The following SOX6 variants were observed in gnomAD, a reference collection of about 807,000 sequenced individuals.
The protein encoded by SOX6 is transcription factor SOX-6.
A neutral mutation model predicts 97.8 loss-of-function variants in SOX6; 11 were observed. That is an observed-to-expected ratio of 0.11 (90% CI 0.07 to 0.19). The LOEUF (loss-of-function observed/expected upper bound fraction) is 0.19, where lower values mean the gene tolerates loss of function less well. SOX6 is among the 10% of genes least tolerant of loss of function. SOX6 has a pLI of 1.00. For synonymous variants in SOX6, 360 were observed against 371.4 expected (o/e 0.97, Z 0.35); for missense variants, 810 against 1,039.5 (o/e 0.78, Z 3.04).
intron 10 of SOX6, among the ~76,000 whole-genome samples, chr11:16,055,197 C>T (rs1209564024): frequency 6.6e-6 from 1 of 152,054 alleles, no homozygotes; most frequent in African/African-American, 2.4e-5. Context: ...CCATTGCCCT[C>T]ATTGTAAGGA....
At chr11:16,626,681 G>A (rs771941599) in intron 3 of SOX6, among the ~76,000 whole-genome samples, 2 of 152,040 alleles carry the variant, frequency 1.3e-5, no homozygotes, top group African/African-American at 4.8e-5. Context: ...TGAAAATAGC[G>A]TGTCTCTCCA....
chr11:16,443,824 C>T (rs1859557781), intron 1 of SOX6, among the ~76,000 whole-genome samples: 1 of 151,922 alleles, frequency 6.6e-6, no homozygotes, highest in South Asian at 2.1e-4. Flanking sequence ...ACCATCCTGG[C>T]CAACATGATG....
chr11:16,616,730 A>G (rs1246644625), intron 3 of SOX6, among the ~76,000 whole-genome samples: 1 of 151,958 alleles, frequency 6.6e-6, no homozygotes, highest in Non-Finnish European at 1.5e-5. Context: ...TAATTCCACA[A>G]GATGATATTT....
chr11:16,369,254 C>T (rs1263773116), intron 1 of SOX6, among the ~76,000 whole-genome samples: 1 of 152,116 alleles, frequency 6.6e-6, no homozygotes, highest in Non-Finnish European at 1.5e-5. Flanking sequence ...AGCTAACTCC[C>T]TATTCAAGTA....
At chr11:16,486,419 C>G (rs537071585) in intron 4 of SOX6, among the ~76,000 whole-genome samples, 41 of 151,788 alleles carry the variant, frequency 2.7e-4, no homozygotes, top group African/African-American at 9.4e-4. Flanking sequence ...TTTCTTATAG[C>G]CTGTCTGATT....
intron 3 of SOX6, among the ~76,000 whole-genome samples, chr11:16,256,863 T>C (rs945206608): frequency 3.3e-5 from 5 of 151,700 alleles, no homozygotes; most frequent in African/African-American, 9.7e-5. Context: ...TATAGCGAGG[T>C]TGCAAAATAC....
rs1007449183 is a variant in SOX6 at position 15,973,093 on chromosome 11, T to C, written c.2203A>G (p.Ile735Val). 3.1e-6 allele frequency: 5 copies of C among 1,614,020 alleles called. No homozygotes were observed. The highest frequency in any genetic ancestry group is 1.3e-5 in the African/African-American group (1 of 74,932). ...FTVGQQPQIP[I>V]TTGTGVVYPG... ...TACACAACACCTGTTCCTGTGGTGA[T>C]TGGAATCTGAGGCTGTTGCCTATAT... The change falls in exon 16 of 16, where the codon ATC becomes GTC. Residue 735 changes from isoleucine (I) to valine (V), a missense_variant. Physicochemically the swap from Ile to Val is conservative, Grantham distance 29 (BLOSUM62 3). Around this residue, in one of 9 missense-constraint regions of SOX6, gnomAD observed 122 missense variants for 153.4 expected, o/e 0.80. Coordinates refer to ENST00000683767, the MANE Select transcript of SOX6 (RefSeq NM_001367873.1).
chr11:16,330,348 G>A (rs1411583642), intron 2 of SOX6, among the ~76,000 whole-genome samples: 1 of 152,122 alleles, frequency 6.6e-6, no homozygotes, highest in East Asian at 1.9e-4. Context: ...GAAGGCAGGA[G>A]TTCAAGACCA....
chr11:16,603,846 G>C (rs764139004), intron 4 of SOX6, among the ~76,000 whole-genome samples: 17 of 152,194 alleles, frequency 1.1e-4, no homozygotes, highest in Non-Finnish European at 2.2e-4. Context: ...TCCAAGACAA[G>C]GCTACACTGT....
chr11:16,530,626 G>A (rs1861225095), intron 4 of SOX6, among the ~76,000 whole-genome samples: 1 of 152,002 alleles, frequency 6.6e-6, no homozygotes. Flanking sequence ...TTTGATTAAA[G>A]TGATAAGACT....
chr11:16,456,131 G>A (rs1163502254), intron 1 of SOX6, among the ~76,000 whole-genome samples: 1 of 152,016 alleles, frequency 6.6e-6, no homozygotes, highest in African/African-American at 2.4e-5. Context: ...ATGTCTTAGA[G>A]GAGATTAACA....
intron 1 of SOX6, among the ~76,000 whole-genome samples, chr11:16,436,787 C>A (rs1859384054): frequency 6.6e-6 from 1 of 152,154 alleles, no homozygotes. Flanking sequence ...TGACACTTCG[C>A]TCTCATTTTA....
chr11:15,991,913 A>G (rs1428604730), intron 13 of SOX6, among the ~76,000 whole-genome samples: 1 of 152,072 alleles, frequency 6.6e-6, no homozygotes, highest in Non-Finnish European at 1.5e-5. Flanking sequence ...ACTCTCTTCT[A>G]CTTTACCAGT....
At chr11:16,711,215 A>G (rs1361253575) in intron 3 of SOX6, among the ~76,000 whole-genome samples, 1 of 152,168 alleles carries the variant, frequency 6.6e-6, no homozygotes, top group Non-Finnish European at 1.5e-5. Flanking sequence ...CATCAAATCA[A>G]TCACTCTCCT....
Position 16,216,612 on chromosome 11 carries a change from TA to T in SOX6, c.535+17969del, listed in dbSNP as rs35605922. ...CTTAAGCAAATTCTTCTTTTCAGAC[TA>T]AAAAAAAAAAAAAATCATAACTCTT... On this transcript the variant is annotated intron_variant, in intron 4 of 15. Coordinates refer to ENST00000683767, the MANE Select transcript of SOX6 (RefSeq NM_001367873.1). Among the ~76,000 whole-genome samples, 828 of 146,690 alleles carry T rather than the reference TA, an allele frequency of 5.6e-3. 2 individuals carry two copies. The highest frequency in any genetic ancestry group is 0.014 in the African/African-American group (554 of 40,096).
chr11:16,433,876 A>G (rs1273300743), intron 1 of SOX6, among the ~76,000 whole-genome samples: 1 of 152,104 alleles, frequency 6.6e-6, no homozygotes, highest in African/African-American at 2.4e-5. Flanking sequence ...TGTTGTAGCT[A>G]ATATTCAGTA....
rs1384050893 is a variant in SOX6 at position 16,318,673 on chromosome 11, T to C, written c.238-20A>G. Reference sequence around the variant, plus strand: ...TGATTCCTAGAAAAATAAAATAAAATAAAACCATTAGAATATACGTTTCTT... The same window carrying C: ...TGATTCCTAGAAAAATAAAATAAAACAAAACCATTAGAATATACGTTTCTT... On this transcript the variant is annotated intron_variant, in intron 2 of 15. Transcript: ENST00000683767. 6.2e-7 allele frequency: 1 copy of C among 1,602,986 alleles called. No individual in the cohort carries two copies. Among genetic ancestry groups the C allele is most frequent in the African/African-American group, 1.3e-5 (1 of 74,550 alleles).
At chr11:16,013,776 G>A (rs999498137) in intron 13 of SOX6, among the ~76,000 whole-genome samples, 1 of 151,828 alleles carries the variant, frequency 6.6e-6, no homozygotes, top group Non-Finnish European at 1.5e-5. Context: ...ATTTCTGAAG[G>A]GCTTCCTAAT....
chr11:16,564,929 C>T (rs1382384127), intron 4 of SOX6, among the ~76,000 whole-genome samples: 1 of 151,378 alleles, frequency 6.6e-6, no homozygotes, highest in Non-Finnish European at 1.5e-5. Flanking sequence ...CAAAATTAAC[C>T]CAAAGCAAGC....
Sources: gnomAD v4.1 joint callset for allele counts (sites outside exome capture counted in the v4.1 genomes callset) on GRCh38, gnomAD v4.1.1 for gene constraint, gnomAD v4.1.1 regional missense constraint, MANE v1.5 for transcripts, NCBI Gene and HGNC (gene_info 2026-07-23, HGNC 2026-07-21) for gene names.